RANBP10: variants seen among roughly 807,000 people sequenced by gnomAD.
RANBP10 encodes the protein ran-binding protein 10.
In RANBP10, 24 loss-of-function variants were observed where a neutral mutation model predicts 72.8. The ratio of observed to expected loss-of-function variants is 0.33; its 90% CI spans 0.24 to 0.46. The LOEUF is 0.46. RANBP10 is among the 20% of genes least tolerant of loss of function. The pLI is 1.00. For synonymous variants in RANBP10, 310 were observed against 322.3 expected (o/e 0.96, Z 0.41); for missense variants, 679 against 817.5 (o/e 0.83, Z 2.07).
At chr16:67,789,935 A>G (rs1231999119) in intron 2 of RANBP10, among the ~76,000 whole-genome samples, 2 of 151,642 alleles carry the variant, frequency 1.3e-5, no homozygotes, top group Non-Finnish European at 2.9e-5. Context: ...CATCTCTACT[A>G]AAAATACAAA....
intron 2 of RANBP10, among the ~76,000 whole-genome samples, chr16:67,792,488 G>A (rs2055046696): frequency 1.3e-5 from 2 of 151,828 alleles, no homozygotes; most frequent in African/African-American, 4.8e-5. Context: ...CATGAACCTG[G>A]GAGGCAGAGG....
intron 2 of RANBP10, among the ~76,000 whole-genome samples, chr16:67,778,353 T>TA (rs377067571): frequency 1.7e-3 from 234 of 138,642 alleles, no homozygotes; most frequent in Admixed American, 2.7e-3. Flanking sequence ...CTGTCTAAAA[T>TA]AAAAAAAAAA....
At position 67,727,313 on chromosome 16, in the gene RANBP10, A is replaced by G; in HGVS notation, c.1732+14T>C. 2.5e-6 allele frequency: 4 copies of G among 1,596,576 alleles called. No homozygotes were observed. The Middle Eastern group carries it at 5.0e-4, about 200-fold the overall frequency. ...ACTCTGTCTCTAATAATAATAATAA[A>G]TAGATTCACTCACCTAAAATGGCGC... On this transcript the variant is annotated intron_variant, in intron 13 of 13. Coordinates refer to ENST00000317506, the MANE Select transcript of RANBP10 (RefSeq NM_020850.3).
intron 2 of RANBP10, among the ~76,000 whole-genome samples, chr16:67,775,804 A>C (rs1485482155): frequency 1.3e-5 from 2 of 149,682 alleles, no homozygotes; most frequent in Non-Finnish European, 2.9e-5. Flanking sequence ...AAAAAAAAAA[A>C]AAAAAAAAAC....
rs1208406652 is a variant in RANBP10 at position 67,727,454 on chromosome 16, T to C, written c.1621-16A>G. 6 of 1,605,656 alleles carry C rather than the reference T, an allele frequency of 3.7e-6. No homozygotes were observed. Among genetic ancestry groups the C allele is most frequent in the South Asian group, 2.2e-5 (2 of 90,518 alleles). ...TGAAGGCATCCTACAGGACAGGGCA[T>C]TCTTGAGAGGACTGTGGCACACACC... On this transcript the variant is annotated splice_polypyrimidine_tract_variant and intron_variant, in intron 12 of 13. Coordinates refer to ENST00000317506, the MANE Select transcript of RANBP10 (RefSeq NM_020850.3).
At position 67,772,533 on chromosome 16, in the gene RANBP10, G is replaced by A. The variant is rs181199546; in HGVS notation, c.348-447C>T. ...GACCAGGACATGGTAAAGCCAAGTT[G>A]GATCTACATAGGATCATCAATCAAG... On this transcript the variant is annotated intron_variant, in intron 2 of 13. Transcript: ENST00000317506. 3.3e-3 allele frequency among the ~76,000 whole-genome samples: 496 copies of A among 152,212 alleles called. 1 individual carries two copies. The highest frequency in any genetic ancestry group is 5.7e-3 in the Non-Finnish European group (385 of 67,998).
chr16:67,729,416 G>T lies in RANBP10; in HGVS notation c.1216C>A (p.Pro406Thr). The T allele has an allele frequency of 2.5e-6, 4 of 1,613,792 alleles. No homozygotes were observed. The highest frequency in any genetic ancestry group is 3.4e-6 in the Non-Finnish European group (4 of 1,180,008). ...TKSKQNHSKY[P>T]APSSSSSSSS... ...GACGAGGATGAGGAGCTGGGTGCAGGGTATTTACTGTGGTTCTGTTTGCTC... is the reference window on the plus strand; with the variant it reads ...GACGAGGATGAGGAGCTGGGTGCAGTGTATTTACTGTGGTTCTGTTTGCTC... The change falls in exon 10 of 14, where the codon CCT becomes ACT. Residue 406 changes from proline to threonine, a missense_variant. By Grantham distance (38) the Pro-to-Thr change is conservative. Coordinates refer to ENST00000317506, the MANE Select transcript of RANBP10 (RefSeq NM_020850.3). The surrounding 1 kb of genome is among the most constrained non-coding windows in gnomAD (Gnocchi z 7.1).
intron 2 of RANBP10, among the ~76,000 whole-genome samples, chr16:67,781,268 C>T (rs1358302861): frequency 6.6e-6 from 1 of 152,224 alleles, no homozygotes; most frequent in African/African-American, 2.4e-5. Flanking sequence ...ACATCTAAAA[C>T]AAACACCTGT....
intron 6 of RANBP10, among the ~76,000 whole-genome samples, chr16:67,733,052 T>C (rs2053766253): frequency 1.3e-5 from 1 of 75,994 alleles, no homozygotes; most frequent in Admixed American, 1.7e-4. Flanking sequence ...AGACTCCATC[T>C]CAAAAAAAAA....
At chr16:67,748,125 C>T (rs938605191) in intron 3 of RANBP10, among the ~76,000 whole-genome samples, 8 of 151,962 alleles carry the variant, frequency 5.3e-5, no homozygotes, top group African/African-American at 1.4e-4. Flanking sequence ...GCGCCCGGCC[C>T]TCATTTTCTT....
At chr16:67,759,266 A>T (rs957556469) in intron 3 of RANBP10, among the ~76,000 whole-genome samples, 2 of 152,222 alleles carry the variant, frequency 1.3e-5, no homozygotes, top group East Asian at 3.9e-4. Flanking sequence ...ACAGAATGAG[A>T]AAGGCAGAGA....
intron 4 of RANBP10, among the ~76,000 whole-genome samples, chr16:67,743,837 C>T (rs1047346725): frequency 2.0e-5 from 3 of 152,302 alleles, no homozygotes; most frequent in Admixed American, 2.0e-4. Context: ...AAGAACAGAC[C>T]AGAGGTCTGG....
At chr16:67,773,551 T>TAC (rs972206318) in intron 2 of RANBP10, among the ~76,000 whole-genome samples, 4 of 152,124 alleles carry the variant, frequency 2.6e-5, no homozygotes, top group African/African-American at 9.7e-5. Flanking sequence ...CAGCCTCTAC[T>TAC]ACCAAAATAA....
chr16:67,799,098 G>A (rs1197816826), intron 2 of RANBP10, among the ~76,000 whole-genome samples: 3 of 151,076 alleles, frequency 2.0e-5, no homozygotes, highest in Admixed American at 6.6e-5. Flanking sequence ...TTAGCGCCTG[G>A]CTAATTTTTG....
chr16:67,741,053 A>G (rs1280859744), intron 4 of RANBP10, among the ~76,000 whole-genome samples: 2 of 152,202 alleles, frequency 1.3e-5, no homozygotes, highest in African/African-American at 4.8e-5. Context: ...TAAATTATAT[A>G]TAGTGTGACC....
intron 2 of RANBP10, among the ~76,000 whole-genome samples, chr16:67,772,670 C>T (rs2054630081): frequency 6.6e-6 from 1 of 152,116 alleles, no homozygotes; most frequent in Non-Finnish European, 1.5e-5. Flanking sequence ...TGTGAGGCCC[C>T]CAGAGACCCC....
intron 4 of RANBP10, among the ~76,000 whole-genome samples, chr16:67,739,427 T>C (rs2053922833): frequency 6.6e-6 from 1 of 152,154 alleles, no homozygotes. Flanking sequence ...AGTCCAATGC[T>C]TCAATGTCAT....
chr16:67,769,602 C>T (rs1390486382), intron 3 of RANBP10, among the ~76,000 whole-genome samples: 5 of 149,636 alleles, frequency 3.3e-5, no homozygotes, highest in African/African-American at 9.8e-5. Context: ...AAAAATGAGC[C>T]GGGCGTGGTG....
chr16:67,754,755 G>A (rs948776381), intron 3 of RANBP10, among the ~76,000 whole-genome samples: 5 of 152,252 alleles, frequency 3.3e-5, no homozygotes, highest in Non-Finnish European at 7.3e-5. Flanking sequence ...TGGGGCTGAA[G>A]TGCTTCTGCT....
Sources: allele counts gnomAD v4.1 joint callset (sites outside exome capture counted in the v4.1 genomes callset), GRCh38; gene constraint gnomAD v4.1.1; non-coding constraint Gnocchi (gnomAD v3.1); transcripts MANE v1.5; gene names NCBI Gene and HGNC (gene_info 2026-07-23, HGNC 2026-07-21).